The following EHD1 variants were observed in gnomAD, a reference collection of about 807,000 sequenced individuals.
The protein encoded by EHD1 is EH domain-containing protein 1.
In EHD1, 19 loss-of-function variants were observed where a neutral mutation model predicts 39.0. The ratio of observed to expected loss-of-function variants is 0.49; its 90% confidence interval spans 0.34 to 0.72. The LOEUF (loss-of-function observed/expected upper bound fraction) is 0.72, where lower values mean the gene tolerates loss of function less well. EHD1 is among the 30% of genes least tolerant of loss of function. The pLI is 0.01. For missense variants in EHD1, 542 were observed against 751.5 expected, an observed-to-expected ratio of 0.72 and a Z score of 3.26; for synonymous variants, 323 against 331.2, an observed-to-expected ratio of 0.98 and a Z score of 0.27.
intron 4 of EHD1, 80 bp from the exon 5 acceptor site, chr11:64,854,937 TTCACA>T: frequency 7.8e-6 from 12 of 1,530,256 alleles, no homozygotes; most frequent in Non-Finnish European, 1.1e-5. Flanking sequence ...CAGTCAGGGC[TTCACA>T]AGCATAAAGT....
At chr11:64,855,612 G>T in intron 3 of EHD1, 126 bp from the exon 4 acceptor site, 2 of 1,451,534 alleles carry the variant, frequency 1.4e-6, no homozygotes, top group Non-Finnish European at 1.9e-6. Context: ...GGAGGGATGG[G>T]TCAAGCTCAA....
upstream of EHD1, chr11:64,878,801 C>A: frequency 8.3e-7 from 1 of 1,197,662 alleles, no homozygotes; most frequent in East Asian, 4.0e-5. Context: ...CCAAATCTCG[C>A]GAGGCTGTGG....
At chr11:64,871,175 T>C (rs755176043) in intron 2 of EHD1, among the ~76,000 whole-genome samples, 2 of 152,166 alleles carry the variant, frequency 1.3e-5, no homozygotes, top group African/African-American at 2.4e-5. Flanking sequence ...CACAAGGACA[T>C]GTTTCCAGGG....
intron 2 of EHD1, among the ~76,000 whole-genome samples, chr11:64,872,887 C>T (rs1371084729): frequency 1.3e-5 from 2 of 152,232 alleles, no homozygotes; most frequent in Non-Finnish European, 1.5e-5. Flanking sequence ...GCAAGGCTCA[C>T]CCAGCAAAGG....
Position 64,854,203 on chromosome 11 carries a change from T to C in EHD1, c.*130A>G, listed in dbSNP as rs972156852. The C allele has an allele frequency of 3.5e-6, 5 of 1,409,652 alleles. No individual in the cohort carries two copies. Among genetic ancestry groups the C allele is most frequent in the Non-Finnish European group, 4.7e-6 (5 of 1,074,928 alleles). 87.3% of individuals were successfully genotyped at this position (1,409,652 alleles called of 1,614,324 possible). A position where few individuals can be genotyped will look rare whatever the true frequency, so the allele number is the denominator to read the frequency against. The stretch of plus-strand genomic sequence containing the variant: ...AACAGCCTTAAAAGAAAGATGGTGG[T>C]TTTCCTTTTCGAGAGGCGAGGAAAC... On this transcript the variant is annotated 3_prime_UTR_variant, in exon 5 of 5. Transcript: ENST00000320631.
intron 2 of EHD1, among the ~76,000 whole-genome samples, chr11:64,873,177 G>A (rs1186588293): frequency 2.6e-5 from 4 of 152,236 alleles, no homozygotes; most frequent in African/African-American, 9.6e-5. Flanking sequence ...GAGCTTGGCA[G>A]AATCTAGGCA....
rs760138247 is a variant in EHD1, at chr11:64,878,266, A to T, written c.199T>A (p.Tyr67Asn). Residue 67 changes from tyrosine to asparagine, a missense_variant, in exon 1 of 5, where the codon TAC (tyrosine) becomes AAC (asparagine). By Grantham distance (143) the Tyr-to-Asn change is moderately radical. Transcript: ENST00000320631. The part of the protein sequence containing the change: ...NKPMVLLVGQ[Y>N]STGKTTFIRH... The stretch of plus-strand genomic sequence containing the variant: ...ATGAAGGTGGTCTTGCCCGTGCTGT[A>T]CTGCCCCACGAGGAGCACCATAGGC... 1.2e-6 allele frequency: 2 copies of T among 1,614,126 alleles called. No individual in the cohort carries two copies. Among genetic ancestry groups the T allele is most frequent in the African/African-American group, 1.3e-5 (1 of 75,038 alleles).
At chr11:64,864,998 C>A (rs620066) in intron 2 of EHD1, among the ~76,000 whole-genome samples, 2 of 152,158 alleles carry the variant, frequency 1.3e-5, no homozygotes, top group Admixed American at 1.3e-4. Flanking sequence ...GAAGCCCTGC[C>A]CCACCTGCTC....
At chr11:64,877,759 C>T (rs954460677) in intron 1 of EHD1, 2 of 337,486 alleles carry the variant, frequency 5.9e-6, no homozygotes, top group South Asian at 2.8e-4. Context: ...AATGGCTCAG[C>T]TTCCTACTGC....
intron 2 of EHD1, among the ~76,000 whole-genome samples, chr11:64,867,333 T>C (rs545369106): frequency 6.6e-6 from 1 of 151,096 alleles, no homozygotes; most frequent in Admixed American, 6.6e-5. Flanking sequence ...GCAGGAGAAC[T>C]GCTGGAATTT....
chr11:64,859,363 T>C (rs1336457456), intron 3 of EHD1, among the ~76,000 whole-genome samples: 1 of 151,902 alleles, frequency 6.6e-6, no homozygotes, highest in Non-Finnish European at 1.5e-5. Flanking sequence ...CTAATAAAAA[T>C]ACAAAAATCA....
In EHD1 at chr11:64,878,377, C is replaced by T; in HGVS notation, c.88G>A (p.Ala30Thr). The T allele has an allele frequency of 6.2e-7, 1 of 1,613,684 alleles. No individual in the cohort carries two copies. The change falls in exon 1 of 5, where the codon GCG (alanine) becomes ACG (threonine). Residue 30 changes from alanine (A) to threonine (T), a missense_variant. Coordinates refer to ENST00000320631, the MANE Select transcript of EHD1 (RefSeq NM_006795.4). ...TCCTCCAGGGGTAGCAGCTTCTGCG[C>T]GTACAGCTGCCGCAGCCCCTCAGCC... ...TVAEGLRQLY[A>T]QKLLPLEEHY... is the part of the protein sequence containing the mutation.
chr11:64,871,136 T>C (rs903877474), intron 2 of EHD1, among the ~76,000 whole-genome samples: 5 of 152,082 alleles, frequency 3.3e-5, no homozygotes, highest in Non-Finnish European at 7.4e-5. Context: ...TAAATGCAAT[T>C]AGCAACCCCA....
intron 2 of EHD1, among the ~76,000 whole-genome samples, chr11:64,862,496 C>CA (rs1943726407): frequency 6.6e-6 from 1 of 152,182 alleles, no homozygotes; most frequent in South Asian, 2.1e-4. Flanking sequence ...CTGGAGGAAG[C>CA]ACCTCGGGTT....
chr11:64,867,807 C>T (rs919562200), intron 2 of EHD1, among the ~76,000 whole-genome samples: 2 of 152,188 alleles, frequency 1.3e-5, no homozygotes, highest in Non-Finnish European at 2.9e-5. Flanking sequence ...AAAGTGAAAA[C>T]GAAAAGTCCT....
upstream of EHD1, chr11:64,879,593 G>A (rs1266149636): frequency 6.4e-7 from 1 of 1,551,050 alleles, no homozygotes. Context: ...ACTGGGATCT[G>A]TGCCCTACCT....
intron 1 of EHD1, among the ~76,000 whole-genome samples, chr11:64,876,678 A>C (rs754255432): frequency 7.2e-5 from 11 of 152,220 alleles, no homozygotes; most frequent in African/African-American, 9.7e-5. Context: ...GGGGCTGCCA[A>C]GATGATGTCT....
rs1436273974 is a variant in EHD1, at chr11:64,868,136, A to G, written c.502+6285T>C. ...GGGGAAAAGCTGCTTTATACATTCC[A>G]AAGATTTCTAGAACATGAAACATAG... is the stretch of plus-strand genomic sequence containing the variant. On this transcript the variant is annotated intron_variant, in intron 2 of 4. Transcript: ENST00000320631. This position sits in a 1 kb window ranked among gnomAD's most constrained non-coding sequence, Gnocchi z 4.2. Among the ~76,000 whole-genome samples, 1 of 152,184 alleles carries G rather than the reference A, an allele frequency of 6.6e-6. No individual in the cohort carries two copies. The highest frequency in any genetic ancestry group is 1.5e-5 in the Non-Finnish European group (1 of 68,020).
upstream of EHD1, chr11:64,879,172 G>A (rs1943927045): frequency 9.6e-7 from 1 of 1,039,980 alleles, no homozygotes; most frequent in Non-Finnish European, 1.2e-6. Flanking sequence ...TTGGGAGAGG[G>A]AGAGACAGGA....
Sources: allele counts gnomAD v4.1 joint callset (sites outside exome capture counted in the v4.1 genomes callset), GRCh38; gene constraint gnomAD v4.1.1; non-coding constraint Gnocchi (gnomAD v3.1); transcripts MANE v1.5; gene names NCBI Gene and HGNC (gene_info 2026-07-23, HGNC 2026-07-21).